Variants in LPCAT1 observed in about 807,000 individuals in gnomAD.
The protein encoded by LPCAT1 is lysophosphatidylcholine acyltransferase 1.
In LPCAT1, 23 loss-of-function variants were observed where a neutral mutation model predicts 60.9. The ratio of observed to expected loss-of-function variants is 0.38; its 90% CI spans 0.27 to 0.53. The LOEUF (loss-of-function observed/expected upper bound fraction) is 0.53, where lower values mean the gene tolerates loss of function less well. LPCAT1 is among the 20% of genes least tolerant of loss of function. The probability of loss-of-function intolerance (pLI) is 0.82; values close to 1 mark genes in which losing one functional copy is unlikely to be tolerated. For synonymous variants in LPCAT1, 340 were observed against 301.1 expected (o/e 1.13, Z -1.34); for missense variants, 622 against 723.6 (o/e 0.86, Z 1.61).
chr5:1,500,055 C>G (rs11741437), intron 2 of LPCAT1, among the ~76,000 whole-genome samples: 8,540 of 152,348 alleles, frequency 0.056, 351 homozygotes, highest in East Asian at 0.19. Flanking sequence ...CGGTTCCCCA[C>G]CAATGCAGCC....
intron 3 of LPCAT1, among the ~76,000 whole-genome samples, chr5:1,492,354 G>C (rs1735620528): frequency 6.6e-6 from 1 of 151,784 alleles, no homozygotes; most frequent in South Asian, 2.1e-4. Flanking sequence ...TCTGAGCTGG[G>C]ACCTGGGGAG....
chr5:1,483,626 A>G lies in LPCAT1; in HGVS notation c.668-140T>C, dbSNP rs1735249672. On this transcript the variant is annotated intron_variant, in intron 5 of 13. Transcript: ENST00000283415. This position sits in a 1 kb window ranked among gnomAD's most constrained non-coding sequence, Gnocchi z 9.2. ...GTCAGCAAGGGCACTCCATGCCTGG[A>G]CTATCTCAACATCTGTCCTGACCGT... The G allele has an allele frequency of 1.3e-6, 1 of 763,058 alleles. No individual in the cohort carries two copies. The highest frequency in any genetic ancestry group is 2.2e-6 in the Non-Finnish European group (1 of 450,992). 47.3% of individuals were successfully genotyped at this position (763,058 alleles called of 1,614,324 possible).
chr5:1,521,262 A>C lies in LPCAT1; in HGVS notation c.135+2448T>G. 1 of 869,646 alleles carries C rather than the reference A, an allele frequency of 1.1e-6. No individual in the cohort carries two copies. Among genetic ancestry groups the C allele is most frequent in the Non-Finnish European group, 1.4e-6 (1 of 724,582 alleles). 53.9% of individuals were successfully genotyped at this position (869,646 alleles called of 1,614,324 possible). On this transcript the variant is annotated intron_variant, in intron 1 of 13. Coordinates refer to ENST00000283415, the MANE Select transcript of LPCAT1 (RefSeq NM_024830.5). The surrounding 1 kb of genome is among the most constrained non-coding windows in gnomAD (Gnocchi z 4.3). ...TGACAGATGGGCTGGCTGGAGGAGG[A>C]GGTGTCCCCGCATGGCGCTAATCCG...
intron 5 of LPCAT1, among the ~76,000 whole-genome samples, chr5:1,484,266 T>C (rs1219182269): frequency 6.6e-6 from 1 of 152,272 alleles, no homozygotes; most frequent in African/African-American, 2.4e-5. Flanking sequence ...GAATTGTGGC[T>C]GTACCCAGCA....
chr5:1,475,626 G>A, intron 9 of LPCAT1, among the ~76,000 whole-genome samples: 1 of 152,270 alleles, frequency 6.6e-6, no homozygotes, highest in East Asian at 1.9e-4. Context: ...GCGGGCAGGG[G>A]AGGAGAACGT....
At chr5:1,489,688 G>A (rs144814485) in intron 4 of LPCAT1, 58 bp downstream of exon 4, 7 of 1,285,318 alleles carry the variant, frequency 5.4e-6, no homozygotes, top group Non-Finnish European at 3.4e-6. Context: ...CCCCACTCGC[G>A]AAGTTCGCAT....
chr5:1,487,523 C>T lies in LPCAT1; in HGVS notation c.667+868G>A, dbSNP rs971115176. On this transcript the variant is annotated intron_variant, in intron 5 of 13. Coordinates refer to ENST00000283415, the MANE Select transcript of LPCAT1 (RefSeq NM_024830.5). The surrounding 1 kb of genome is among the most constrained non-coding windows in gnomAD (Gnocchi z 6.1). ...AGGATGGCCACAGGCTCGGAAACCCCGGCGGCACACGTAGGTGAGTGACTG... is the reference window on the plus strand; with the variant it reads ...AGGATGGCCACAGGCTCGGAAACCCTGGCGGCACACGTAGGTGAGTGACTG... Among the ~76,000 whole-genome samples the T allele has an allele frequency of 3.1e-4, 47 of 152,250 alleles. No homozygotes were observed. Among genetic ancestry groups the T allele is most frequent in the African/African-American group, 9.6e-4 (40 of 41,540 alleles).
chr5:1,463,348 C>G lies in LPCAT1; in HGVS notation c.*303G>C. On this transcript the variant is annotated 3_prime_UTR_variant, in exon 14 of 14. Coordinates refer to ENST00000283415, the MANE Select transcript of LPCAT1 (RefSeq NM_024830.5). ...TGTGACAGAGACTCGAAACCAGGGC[C>G]CCGTGGGAGAACACGGGGCGGCACC... 3 of 347,152 alleles carry G rather than the reference C, an allele frequency of 8.6e-6. No individual in the cohort carries two copies. Among genetic ancestry groups the G allele is most frequent in the South Asian group, 5.7e-5 (1 of 17,442 alleles). The allele number at this position is 347,152 out of a possible 1,614,324, so 21.5% of individuals were successfully genotyped here.
chr5:1,504,597 A>C (rs36976), intron 1 of LPCAT1, among the ~76,000 whole-genome samples: 86,458 of 152,044 alleles, frequency 0.57, 25,308 homozygotes, highest in Middle Eastern at 0.68. Flanking sequence ...GCCTGTAATC[A>C]CAGCTACTCT....
At position 1,462,587 on chromosome 5, in the gene LPCAT1, G is replaced by C. The variant is rs1734144777; in HGVS notation, c.*1064C>G. On this transcript the variant is annotated 3_prime_UTR_variant, in exon 14 of 14. Transcript: ENST00000283415. Reference sequence around the variant, plus strand: ...AAAGACTGCGGCTCCTCTCTCTGCAGGAAGGTCAGCCATACTCGGGTGGCA... The same window carrying C: ...AAAGACTGCGGCTCCTCTCTCTGCACGAAGGTCAGCCATACTCGGGTGGCA... The C allele has an allele frequency of 6.6e-6, 1 of 152,626 alleles. No individual in the cohort carries two copies. The highest frequency in any genetic ancestry group is 1.5e-5 in the Non-Finnish European group (1 of 68,188). 9.5% of individuals were successfully genotyped at this position (152,626 alleles called of 1,614,324 possible).
intron 13 of LPCAT1, among the ~76,000 whole-genome samples, chr5:1,465,924 A>G (rs147669866): frequency 4.6e-5 from 7 of 152,226 alleles, no homozygotes; most frequent in African/African-American, 1.4e-4. Context: ...CACGGTAACT[A>G]AGCACACATA....
chr5:1,494,976 C>A, intron 2 of LPCAT1, 62 bp from the exon 3 acceptor site: 1 of 1,464,074 alleles, frequency 6.8e-7, no homozygotes, highest in South Asian at 1.2e-5. Context: ...CTGTGTGAGG[C>A]ACAGGGGCGG....
chr5:1,490,718 C>T (rs1735545475), intron 3 of LPCAT1, among the ~76,000 whole-genome samples: 1 of 152,240 alleles, frequency 6.6e-6, no homozygotes, highest in Non-Finnish European at 1.5e-5. Flanking sequence ...AAGGCTGGTG[C>T]TCAGCCAAGG....
rs1159712341 is a variant in LPCAT1, at chr5:1,522,181, G to A, written c.135+1529C>T. 2.6e-5 allele frequency among the ~76,000 whole-genome samples: 4 copies of A among 152,232 alleles called. No homozygotes were observed. The highest frequency in any genetic ancestry group is 4.8e-5 in the African/African-American group (2 of 41,456). ...TCATCCGGGGGCGTCCCCGCTGAGG[G>A]CTTCCGAGCAGCAGAGTGCAGGAGG... On this transcript the variant is annotated intron_variant, in intron 1 of 13. Coordinates refer to ENST00000283415, the MANE Select transcript of LPCAT1 (RefSeq NM_024830.5). The surrounding 1 kb of genome is among the most constrained non-coding windows in gnomAD (Gnocchi z 6.8).
rs766009187 is a variant in LPCAT1, at chr5:1,462,204, CATTT to C, written c.*1443_*1446del. Reference sequence around the variant, plus strand: ...GATGCCCCAAATATAAAAATCAATTCATTTCAGAAATCAAAAAAATTTTCCAAAC... The same window carrying C: ...GATGCCCCAAATATAAAAATCAATTCCAGAAATCAAAAAAATTTTCCAAAC... On this transcript the variant is annotated 3_prime_UTR_variant, in exon 14 of 14. Transcript: ENST00000283415. 1.3e-5 allele frequency: 2 copies of C among 152,590 alleles called. No homozygotes were observed. Among genetic ancestry groups the C allele is most frequent in the Non-Finnish European group, 2.9e-5 (2 of 68,036 alleles). 9.5% of individuals were successfully genotyped at this position (152,590 alleles called of 1,614,324 possible). A position where few individuals can be genotyped will look rare whatever the true frequency, so the allele number is the denominator to read the frequency against.
rs140317722 is a variant in LPCAT1, at chr5:1,494,868, C to T, written c.325G>A (p.Ala109Thr). The part of the protein sequence containing the change: ...LKAIMRTMWF[A>T]GGFHRVAVKG... ...ACGGCCACCCGGTGGAAGCCGCCGG[C>T]GAACCACATGGTGCGCATGATGGCC... Residue 109 changes from alanine to threonine, a missense_variant, in exon 3 of 14, where the codon GCC (alanine) becomes ACC (threonine). Around this residue, in one of 3 missense-constraint regions of LPCAT1, gnomAD observed 209 missense variants for 325.5 expected, o/e 0.64. Coordinates refer to ENST00000283415, the MANE Select transcript of LPCAT1 (RefSeq NM_024830.5). 39 of 1,613,018 alleles carry T rather than the reference C, an allele frequency of 2.4e-5. No individual in the cohort carries two copies. Among genetic ancestry groups the T allele is most frequent in the Non-Finnish European group, 3.1e-5 (36 of 1,179,484 alleles).
At chr5:1,479,747 G>GA in intron 7 of LPCAT1, 72 bp from the exon 8 acceptor site, 3 of 1,204,904 alleles carry the variant, frequency 2.5e-6, no homozygotes, top group Non-Finnish European at 3.6e-6. Context: ...CCCAATTCTG[G>GA]GGTGAAACCT....
chr5:1,506,327 G>A (rs1736187005), intron 1 of LPCAT1, among the ~76,000 whole-genome samples: 1 of 152,202 alleles, frequency 6.6e-6, no homozygotes, highest in Admixed American at 6.5e-5. Context: ...GCCAGGCTCG[G>A]CCCGCCCACA....
chr5:1,479,044 G>A (rs767860015), intron 8 of LPCAT1, among the ~76,000 whole-genome samples: 26 of 152,228 alleles, frequency 1.7e-4, no homozygotes, highest in Non-Finnish European at 3.1e-4. Flanking sequence ...ATTTGCATGT[G>A]GGCCAGCTTC....
Sources: gnomAD v4.1 joint callset for allele counts (sites outside exome capture counted in the v4.1 genomes callset) on GRCh38, gnomAD v4.1.1 for gene constraint, gnomAD v4.1.1 regional missense constraint, Gnocchi (gnomAD v3.1) non-coding constraint, MANE v1.5 for transcripts, NCBI Gene and HGNC (gene_info 2026-07-23, HGNC 2026-07-21) for gene names.